The following ZFAND6 variants were observed in gnomAD, a reference collection of about 807,000 sequenced individuals.
ZFAND6 encodes AN1-type zinc finger protein 6.
A neutral mutation model predicts 24.5 loss-of-function variants in ZFAND6; 12 were observed. The observed-to-expected ratio is 0.49, with a 90% confidence interval of 0.31 to 0.79. The LOEUF is 0.79. Ranked by LOEUF, ZFAND6 falls within the 30% of genes least tolerant of loss-of-function variation. The probability of loss-of-function intolerance (pLI) is 0.04; values close to 1 mark genes in which losing one functional copy is unlikely to be tolerated. For synonymous variants in ZFAND6, 92 were observed against 81.5 expected (o/e 1.13, Z -0.69); for missense variants, 207 against 245.9 (o/e 0.84, Z 1.06).
intron 1 of ZFAND6, chr15:80,072,584 G>A (rs1003953769): frequency 2.0e-5 from 3 of 152,086 alleles, no homozygotes; most frequent in East Asian, 1.9e-4. Flanking sequence ...GGTTGCTTTG[G>A]AGTACAGCTT....
At chr15:80,078,745 A>G (rs2037441589) in intron 1 of ZFAND6, among the ~76,000 whole-genome samples, 1 of 152,116 alleles carries the variant, frequency 6.6e-6, no homozygotes, top group African/African-American at 2.4e-5. Flanking sequence ...CTTTTTAATA[A>G]TAGCCATTCT....
intron 2 of ZFAND6, among the ~76,000 whole-genome samples, chr15:80,103,014 A>G (rs974584221): frequency 2.0e-5 from 3 of 152,188 alleles, no homozygotes; most frequent in Non-Finnish European, 4.4e-5. Context: ...ACCTCCATCC[A>G]TGACTTTAGA....
intron 5 of ZFAND6, among the ~76,000 whole-genome samples, chr15:80,128,426 GA>G (rs763661935): frequency 3.3e-4 from 50 of 152,120 alleles, no homozygotes; most frequent in Admixed American, 1.3e-3. Context: ...GAGAAAGAGT[GA>G]AAAGACTGTT....
At chr15:80,096,889 A>G (rs1256886135) in intron 1 of ZFAND6, among the ~76,000 whole-genome samples, 1 of 152,200 alleles carries the variant, frequency 6.6e-6, no homozygotes, top group Admixed American at 6.5e-5. Context: ...AGTTGTATTA[A>G]AAAATGCAGG....
rs200780080 is a variant in ZFAND6 at position 80,113,360 on chromosome 15, A to AT, written c.-17-6961dup. On this transcript the variant is annotated intron_variant, in intron 2 of 6. Transcript: ENST00000261749. The stretch of plus-strand genomic sequence containing the variant: ...CCCAATTTTTGAATGCTAGCAACTA[A>AT]TTTTTTTAAAAAATAATAGGTACTG... Among the ~76,000 whole-genome samples, 1,309 of 152,256 alleles carry AT rather than the reference A, an allele frequency of 8.6e-3. 20 individuals carry two copies. Among genetic ancestry groups the AT allele is most frequent in the African/African-American group, 0.029 (1,215 of 41,504 alleles).
chr15:80,087,726 A>G (rs1318205283), intron 1 of ZFAND6, among the ~76,000 whole-genome samples: 1 of 152,038 alleles, frequency 6.6e-6, no homozygotes, highest in Non-Finnish European at 1.5e-5. Flanking sequence ...ATTTATATTT[A>G]TTTTCAAACT....
intron 1 of ZFAND6, among the ~76,000 whole-genome samples, chr15:80,075,986 G>A (rs1239742072): frequency 6.6e-6 from 1 of 151,852 alleles, no homozygotes; most frequent in Non-Finnish European, 1.5e-5. Context: ...TACTTTTCCT[G>A]CTTGAAACTC....
In ZFAND6 at chr15:80,131,300, A is replaced by G. The variant is rs2040591633; in HGVS notation, c.478+7A>G. On this transcript the variant is annotated splice_region_variant and intron_variant, in intron 6 of 6. Coordinates refer to ENST00000261749, the MANE Select transcript of ZFAND6 (RefSeq NM_019006.4). ...AAGAAAGTGGGACTTACTGGTAAGG[A>G]CCTAAATCAAATGTTTAAAATTAAA... 4 of 1,607,646 alleles carry G rather than the reference A, an allele frequency of 2.5e-6. No homozygotes were observed. The highest frequency in any genetic ancestry group is 8.5e-7 in the Non-Finnish European group (1 of 1,174,826).
In ZFAND6 at chr15:80,138,352, T is replaced by G. The variant is rs1266493181; in HGVS notation, c.*724T>G. The G allele has an allele frequency of 6.6e-6, 1 of 152,664 alleles. No individual in the cohort carries two copies. Among genetic ancestry groups the G allele is most frequent in the Non-Finnish European group, 1.5e-5 (1 of 68,032 alleles). 9.5% of individuals were successfully genotyped at this position (152,664 alleles called of 1,614,324 possible). A position where few individuals can be genotyped will look rare whatever the true frequency, so the allele number is the denominator to read the frequency against. On this transcript the variant is annotated 3_prime_UTR_variant, in exon 7 of 7. Transcript: ENST00000261749. ...TGCTGTATTTATGTTTATTCACCAG[T>G]CTTTGATTAAATAAAAAGGAAAACC...
At chr15:80,102,936 A>T (rs1215041670) in intron 2 of ZFAND6, among the ~76,000 whole-genome samples, 1 of 152,236 alleles carries the variant, frequency 6.6e-6, no homozygotes, top group African/African-American at 2.4e-5. Context: ...TTGGAAAATC[A>T]TATGTAATTG....
intron 6 of ZFAND6, among the ~76,000 whole-genome samples, chr15:80,137,031 C>T (rs1387631258): frequency 6.6e-6 from 1 of 152,206 alleles, no homozygotes; most frequent in Non-Finnish European, 1.5e-5. Flanking sequence ...TTCACATCTC[C>T]ATGGGAGGTT....
At chr15:80,133,988 G>GTTT (rs766211841) in intron 6 of ZFAND6, among the ~76,000 whole-genome samples, 2 of 138,768 alleles carry the variant, frequency 1.4e-5, no homozygotes, top group Admixed American at 7.3e-5. Context: ...AAGTTGTTGG[G>GTTT]TTTTTTTTTT....
At chr15:80,104,393 C>T (rs2039203160) in intron 2 of ZFAND6, among the ~76,000 whole-genome samples, 1 of 152,110 alleles carries the variant, frequency 6.6e-6, no homozygotes, top group Admixed American at 6.6e-5. Context: ...GTGGTGTGTG[C>T]CTGTAATCCC....
At chr15:80,108,541 G>T (rs911829128) in intron 2 of ZFAND6, among the ~76,000 whole-genome samples, 1 of 152,138 alleles carries the variant, frequency 6.6e-6, no homozygotes, top group Non-Finnish European at 1.5e-5. Context: ...ACTGTGCCTT[G>T]TTCTTTAAGG....
chr15:80,122,468 A>T (rs1402687066), intron 4 of ZFAND6, among the ~76,000 whole-genome samples: 4 of 152,204 alleles, frequency 2.6e-5, no homozygotes, highest in African/African-American at 9.6e-5. Flanking sequence ...GTGGTACTTG[A>T]AATACACAAA....
chr15:80,068,646 A>G (rs1222423513), intron 1 of ZFAND6, among the ~76,000 whole-genome samples: 1 of 152,220 alleles, frequency 6.6e-6, no homozygotes, highest in African/African-American at 2.4e-5. Context: ...TGCTGGGATT[A>G]TAGGCGTGAG....
chr15:80,109,687 G>A (rs2039510708), intron 2 of ZFAND6, among the ~76,000 whole-genome samples: 1 of 152,190 alleles, frequency 6.6e-6, no homozygotes, highest in African/African-American at 2.4e-5. Flanking sequence ...GGAAGATTTT[G>A]AGTAAGCAGG....
intron 1 of ZFAND6, among the ~76,000 whole-genome samples, chr15:80,077,643 G>A (rs965899286): frequency 1.3e-5 from 2 of 151,110 alleles, no homozygotes; most frequent in Non-Finnish European, 1.5e-5. Context: ...GTAATTATAA[G>A]CATAGTAAAA....
intron 1 of ZFAND6, chr15:80,060,318 A>G (rs1231416184): frequency 6.7e-6 from 1 of 149,914 alleles, no homozygotes; most frequent in South Asian, 2.1e-4. Flanking sequence ...GGTGTCTCCA[A>G]CTCCTGACTG....
Sources: allele counts gnomAD v4.1 joint callset (sites outside exome capture counted in the v4.1 genomes callset), GRCh38; gene constraint gnomAD v4.1.1; transcripts MANE v1.5; gene names NCBI Gene and HGNC (gene_info 2026-07-23, HGNC 2026-07-21).